The following OLFM2 variants were observed in gnomAD, a reference collection of about 807,000 sequenced individuals.
The protein encoded by OLFM2 is noelin-2.
A neutral mutation model predicts 43.9 loss-of-function variants in OLFM2; 20 were observed. The observed-to-expected ratio is 0.46, with a 90% CI of 0.32 to 0.66. The LOEUF (loss-of-function observed/expected upper bound fraction) is 0.66, where lower values mean the gene tolerates loss of function less well. Ranked by LOEUF, OLFM2 falls within the 30% of genes least tolerant of loss-of-function variation. The pLI, the probability that OLFM2 is intolerant of heterozygous loss-of-function variation, is 0.04. For synonymous variants in OLFM2, 268 were observed against 278.6 expected (o/e 0.96, Z 0.38); for missense variants, 416 against 643.6 (o/e 0.65, Z 3.83).
intron 1 of OLFM2, among the ~76,000 whole-genome samples, chr19:9,895,713 G>A (rs1447098286): frequency 6.6e-6 from 1 of 151,970 alleles, no homozygotes; most frequent in Non-Finnish European, 1.5e-5. Flanking sequence ...TCAGCTCACT[G>A]CAACCTCCAC....
intron 1 of OLFM2, among the ~76,000 whole-genome samples, chr19:9,882,842 A>C (rs1380171389): frequency 1.3e-5 from 2 of 151,428 alleles, no homozygotes. Flanking sequence ...CTCAGGAGTG[A>C]GCTATGATTG....
Position 9,854,479 on chromosome 19 carries a change from T to C in OLFM2, c.1072A>G (p.Met358Val). 2 of 1,614,056 alleles carry C rather than the reference T, an allele frequency of 1.2e-6. No individual in the cohort carries two copies. Among genetic ancestry groups the C allele is most frequent in the South Asian group, 1.1e-5 (1 of 91,088 alleles). Residue 358 changes from methionine to valine, a missense_variant, in exon 6 of 6, where the codon ATG becomes GTG. Transcript: ENST00000264833. The surrounding 1 kb of genome is among the most constrained non-coding windows in gnomAD (Gnocchi z 9.5). ...SRLDPHTLEV[M>V]RSWDTGYPKR... ...GGGTAGCCGGTGTCCCAGGACCGCATGACCTCGAGGGTGTGCGGGTCCAGC... is the reference window on the plus strand; with the variant it reads ...GGGTAGCCGGTGTCCCAGGACCGCACGACCTCGAGGGTGTGCGGGTCCAGC...
intron 1 of OLFM2, among the ~76,000 whole-genome samples, chr19:9,931,154 C>T (rs1800580207): frequency 6.6e-6 from 1 of 152,232 alleles, no homozygotes; most frequent in African/African-American, 2.4e-5. Context: ...GGGACATTTA[C>T]ATGCTCTAAA....
intron 1 of OLFM2, among the ~76,000 whole-genome samples, chr19:9,876,375 G>A (rs1479597530): frequency 6.6e-6 from 1 of 152,156 alleles, no homozygotes; most frequent in Non-Finnish European, 1.5e-5. Flanking sequence ...TTTGCTGCGA[G>A]TCCCCCAGGC....
At chr19:9,889,607 AGAG>A (rs1190302753) in intron 1 of OLFM2, among the ~76,000 whole-genome samples, 1 of 152,180 alleles carries the variant, frequency 6.6e-6, no homozygotes, top group Non-Finnish European at 1.5e-5. Context: ...GAATGTGGAC[AGAG>A]GAGGATGCAT....
intron 1 of OLFM2, among the ~76,000 whole-genome samples, chr19:9,888,265 G>A (rs2046605417): frequency 6.6e-6 from 1 of 152,142 alleles, no homozygotes; most frequent in Non-Finnish European, 1.5e-5. Flanking sequence ...GCTCATGTCT[G>A]TAATCCCAGC....
At chr19:9,921,216 A>C (rs947099616) in intron 1 of OLFM2, among the ~76,000 whole-genome samples, 1 of 152,130 alleles carries the variant, frequency 6.6e-6, no homozygotes, top group Non-Finnish European at 1.5e-5. Context: ...TCCCTGGCTC[A>C]AGCGATCCTT....
At chr19:9,865,531 G>A (rs1486228848) in intron 1 of OLFM2, among the ~76,000 whole-genome samples, 11 of 110,738 alleles carry the variant, frequency 9.9e-5, no homozygotes, top group Middle Eastern at 0.01. Flanking sequence ...TTGCTCTGTC[G>A]CCCAGGCTGG....
intron 1 of OLFM2, among the ~76,000 whole-genome samples, chr19:9,887,530 A>G (rs1381659797): frequency 6.6e-6 from 1 of 151,736 alleles, no homozygotes. Flanking sequence ...GAATCTACCC[A>G]TTGCTCTACC....
intron 1 of OLFM2, among the ~76,000 whole-genome samples, chr19:9,875,673 TTC>T (rs773895339): frequency 4.0e-5 from 6 of 148,824 alleles, no homozygotes; most frequent in East Asian, 1.9e-4. Context: ...GTTGTTGTTT[TTC>T]TTTTGTTTTT....
intron 1 of OLFM2, among the ~76,000 whole-genome samples, chr19:9,926,853 C>T (rs1375653505): frequency 1.3e-5 from 2 of 152,048 alleles, no homozygotes; most frequent in East Asian, 1.9e-4. Flanking sequence ...GGCATGGTGG[C>T]ACACGCCTGT....
chr19:9,855,028 T>C (rs1274329728), intron 5 of OLFM2, among the ~76,000 whole-genome samples, 165 bp from the exon 6 acceptor site: 1 of 152,092 alleles, frequency 6.6e-6, no homozygotes, highest in Non-Finnish European at 1.5e-5. Flanking sequence ...ACCATGATCA[T>C]CTCCTGGTGA....
intron 1 of OLFM2, among the ~76,000 whole-genome samples, chr19:9,915,930 G>A (rs1272916259): frequency 1.3e-5 from 2 of 152,254 alleles, no homozygotes; most frequent in Non-Finnish European, 2.9e-5. Context: ...TGGGGCAGGA[G>A]TGTTTGAGGA....
intron 1 of OLFM2, among the ~76,000 whole-genome samples, chr19:9,884,563 G>A (rs2046569764): frequency 6.6e-6 from 1 of 152,130 alleles, no homozygotes; most frequent in African/African-American, 2.4e-5. Context: ...AGGTCTATGG[G>A]ACTGTAGAGA....
chr19:9,855,603 G>C (rs193179342), intron 5 of OLFM2, among the ~76,000 whole-genome samples: 4 of 151,376 alleles, frequency 2.6e-5, no homozygotes, highest in Non-Finnish European at 5.9e-5. Context: ...GCACAATCAC[G>C]GCTCACTGCA....
chr19:9,896,091 ATTT>A (rs71188854), intron 1 of OLFM2, among the ~76,000 whole-genome samples: 35,281 of 94,404 alleles, frequency 0.37, 4,483 homozygotes, highest in Admixed American at 0.48. Context: ...CTTTATTTTA[ATTT>A]TTTTTTTTTT....
intron 1 of OLFM2, among the ~76,000 whole-genome samples, chr19:9,901,084 AGT>A (rs2046733817): frequency 2.5e-5 from 3 of 120,056 alleles, no homozygotes; most frequent in African/African-American, 9.9e-5. Flanking sequence ...AAAGAAAGAG[AGT>A]GAGGAAGGAA....
intron 1 of OLFM2, among the ~76,000 whole-genome samples, chr19:9,907,394 G>A (rs1019758302): frequency 4.6e-5 from 7 of 152,080 alleles, no homozygotes; most frequent in Middle Eastern, 3.4e-3. Context: ...GGTGATTGAG[G>A]GAGATCGCAG....
intron 1 of OLFM2, among the ~76,000 whole-genome samples, chr19:9,913,104 C>T (rs956994108): frequency 2.0e-5 from 3 of 152,038 alleles, no homozygotes; most frequent in Non-Finnish European, 4.4e-5. Context: ...CGAGTCTCAC[C>T]CTCCTCCCGC....
Sources: gnomAD v4.1 joint callset for allele counts (sites outside exome capture counted in the v4.1 genomes callset) on GRCh38, gnomAD v4.1.1 for gene constraint, Gnocchi (gnomAD v3.1) non-coding constraint, MANE v1.5 for transcripts, NCBI Gene and HGNC (gene_info 2026-07-23, HGNC 2026-07-21) for gene names.